CCDC171: variants seen among roughly 807,000 people sequenced by gnomAD.
CCDC171 encodes coiled-coil domain containing 171.
CCDC171 carries 177 observed loss-of-function variants against 168.2 expected under a neutral mutation model. The observed-to-expected ratio is 1.05, with a 90% CI of 0.93 to 1.19. The LOEUF is 1.19. Ranked by LOEUF, CCDC171 falls within the 50% of genes most tolerant of loss-of-function variation. The pLI, the probability that CCDC171 is intolerant of heterozygous loss-of-function variation, is 0.00. For synonymous variants in CCDC171, 687 were observed against 540.8 expected (o/e 1.27, Z -3.75); for missense variants, 1,991 against 1,539.0 (o/e 1.29, Z -4.91).
At chr9:15,699,348 C>T (rs1028095407) in intron 11 of CCDC171, among the ~76,000 whole-genome samples, 7 of 152,002 alleles carry the variant, frequency 4.6e-5, no homozygotes, top group African/African-American at 7.3e-5. Flanking sequence ...GCAGTGTGGA[C>T]CCAAAGAGTG....
At chr9:16,004,672 A>G (rs12003855) in intron 3 of CCDC171, among the ~76,000 whole-genome samples, 2,912 of 152,224 alleles carry the variant, frequency 0.019, 87 homozygotes, top group African/African-American at 0.065. Flanking sequence ...ACATATTTCT[A>G]CTAGCTGGCT....
chr9:15,899,121 A>G (rs1301704834), intron 24 of CCDC171, among the ~76,000 whole-genome samples: 1 of 152,206 alleles, frequency 6.6e-6, no homozygotes, highest in African/African-American at 2.4e-5. Flanking sequence ...CTTGAGATCC[A>G]TCCAAGTTTT....
intron 10 of CCDC171, among the ~76,000 whole-genome samples, chr9:15,685,004 A>C (rs141681162): frequency 5.0e-4 from 76 of 152,324 alleles, no homozygotes; most frequent in African/African-American, 1.8e-3. Flanking sequence ...AGGGACCTTT[A>C]ATCCTAGGGC....
rs182221955 is a variant in CCDC171, at chr9:15,598,209, C to G, written c.675+4037C>G. Among the ~76,000 whole-genome samples the G allele has an allele frequency of 9.7e-4, 148 of 152,112 alleles. 2 individuals are homozygous for G. In the East Asian group the frequency reaches 0.02, roughly 21 times the overall value. ...CTTCTAGCTTTTGAATGTGTTTGCT[C>G]TTGCTTCTCTAGTTCTTTTAATTGT... On this transcript the variant is annotated intron_variant, in intron 6 of 25. Transcript: ENST00000380701.
chr9:15,876,222 G>T (rs955494620), intron 24 of CCDC171: 1 of 151,978 alleles, frequency 6.6e-6, no homozygotes, highest in African/African-American at 2.4e-5. Context: ...AAAAATATTA[G>T]ACTCCCACCT....
intron 4 of CCDC171, among the ~76,000 whole-genome samples, chr9:15,590,236 C>G (rs938667023): frequency 6.6e-6 from 1 of 152,022 alleles, no homozygotes; most frequent in Admixed American, 6.6e-5. Flanking sequence ...TCCTTTTGTA[C>G]CTTTTATACC....
intron 16 of CCDC171, among the ~76,000 whole-genome samples, chr9:15,741,083 G>A (rs1480887866): frequency 2.6e-5 from 4 of 151,338 alleles, no homozygotes; most frequent in Non-Finnish European, 5.9e-5. Flanking sequence ...TTTCTTTTTT[G>A]TTTATCTGTA....
chr9:15,825,948 C>A (rs778868127), intron 21 of CCDC171, among the ~76,000 whole-genome samples: 3 of 151,972 alleles, frequency 2.0e-5, no homozygotes, highest in Admixed American at 6.6e-5. Flanking sequence ...AATTAAATTT[C>A]ATTTTCTTGT....
chr9:15,695,434 C>T (rs763773738), intron 11 of CCDC171, 97 bp downstream of exon 11: 7 of 860,782 alleles, frequency 8.1e-6, no homozygotes, highest in Non-Finnish European at 1.4e-5. Flanking sequence ...TCCCTCATCT[C>T]AACATGTTTT....
At chr9:15,809,158 A>G (rs1197115147) in intron 21 of CCDC171, among the ~76,000 whole-genome samples, 1 of 152,180 alleles carries the variant, frequency 6.6e-6, no homozygotes, top group African/African-American at 2.4e-5. Flanking sequence ...AAACATTCAA[A>G]TCATAGCAAG....
At chr9:15,836,910 A>G (rs574391702) in intron 21 of CCDC171, among the ~76,000 whole-genome samples, 52 of 152,338 alleles carry the variant, frequency 3.4e-4, no homozygotes, top group African/African-American at 1.2e-3. Context: ...AATAAAATCT[A>G]CTGCGGTAAC....
intron 16 of CCDC171, among the ~76,000 whole-genome samples, chr9:15,740,586 C>T (rs73416233): frequency 0.046 from 7,071 of 152,106 alleles, 356 homozygotes; most frequent in South Asian, 0.12. Context: ...AGGCCTGTGC[C>T]ATCATGACTG....
At chr9:15,597,942 T>C (rs1431104218) in intron 6 of CCDC171, among the ~76,000 whole-genome samples, 2 of 152,198 alleles carry the variant, frequency 1.3e-5, no homozygotes, top group Non-Finnish European at 1.5e-5. Context: ...TAGAGGTGTT[T>C]ATAGTATTCT....
At chr9:15,878,413 C>G (rs1262013544) in intron 24 of CCDC171, among the ~76,000 whole-genome samples, 2 of 150,698 alleles carry the variant, frequency 1.3e-5, no homozygotes, top group East Asian at 1.9e-4. Context: ...AAATGCCAAT[C>G]AAAACCACAA....
chr9:15,857,478 A>T (rs562630111), intron 23 of CCDC171, among the ~76,000 whole-genome samples: 1 of 152,098 alleles, frequency 6.6e-6, no homozygotes, highest in East Asian at 1.9e-4. Context: ...GCTGGAGTAC[A>T]GTGGCGTGAT....
chr9:15,573,993 A>C (rs2040437927), intron 3 of CCDC171, among the ~76,000 whole-genome samples: 1 of 152,210 alleles, frequency 6.6e-6, no homozygotes, highest in Admixed American at 6.5e-5. Flanking sequence ...TTATTTGATC[A>C]AAATGTTTTG....
intron 3 of CCDC171, among the ~76,000 whole-genome samples, chr9:15,984,287 G>C (rs1335123699): frequency 8.7e-6 from 1 of 114,402 alleles, no homozygotes; most frequent in Non-Finnish European, 1.9e-5. Context: ...TGCCTAATTA[G>C]AGAGGACTTA....
At chr9:15,768,073 C>T (rs942682059) in intron 18 of CCDC171, among the ~76,000 whole-genome samples, 5 of 150,024 alleles carry the variant, frequency 3.3e-5, no homozygotes, top group Non-Finnish European at 7.4e-5. Context: ...CCCGAGCAGT[C>T]CCATGTATAG....
intron 11 of CCDC171, among the ~76,000 whole-genome samples, chr9:15,716,160 G>C (rs2053070871): frequency 6.6e-6 from 1 of 152,076 alleles, no homozygotes; most frequent in Non-Finnish European, 1.5e-5. Flanking sequence ...GACCACTTTA[G>C]ATACCTTATA....
Sources: gnomAD v4.1 joint callset for allele counts (sites outside exome capture counted in the v4.1 genomes callset) on GRCh38, gnomAD v4.1.1 for gene constraint, MANE v1.5 for transcripts, NCBI Gene and HGNC (gene_info 2026-07-23, HGNC 2026-07-21) for gene names.